The following VPS53 variants were observed in gnomAD, a reference collection of about 807,000 sequenced individuals.
VPS53 encodes the protein vacuolar protein sorting-associated protein 53 homolog.
A neutral mutation model predicts 107.0 loss-of-function variants in VPS53; 70 were observed. That is an observed-to-expected ratio of 0.65 (90% CI 0.54 to 0.80). The LOEUF (loss-of-function observed/expected upper bound fraction) is 0.80. Ranked by LOEUF, VPS53 falls within the 30% of genes least tolerant of loss-of-function variation. VPS53 has a pLI of 0.00. For missense variants in VPS53, 917 were observed against 1,049.4 expected (o/e 0.87, Z 1.74); for synonymous variants, 409 against 393.3 (o/e 1.04, Z -0.47).
chr17:597,749 T>C (rs1170550738), intron 12 of VPS53, among the ~76,000 whole-genome samples: 1 of 152,012 alleles, frequency 6.6e-6, no homozygotes, highest in Admixed American at 6.5e-5. Flanking sequence ...TTGTTTAGTA[T>C]GGTTTCAACA....
intron 7 of VPS53, among the ~76,000 whole-genome samples, chr17:643,306 G>T (rs76618868): frequency 0.019 from 590 of 30,476 alleles, 6 homozygotes; most frequent in Admixed American, 0.042. Context: ...CACTCATACT[G>T]GGAAACCGAG....
At chr17:597,949 G>GCTCTCC (rs751587106) in intron 12 of VPS53, among the ~76,000 whole-genome samples, 2,289 of 91,216 alleles carry the variant, frequency 0.025, 25 homozygotes, top group Middle Eastern at 0.052. Context: ...ATGACTTGCA[G>GCTCTCC]CTCTCCCTCT....
intron 17 of VPS53, among the ~76,000 whole-genome samples, chr17:544,012 AGTG>A (rs1910965076): frequency 2.0e-5 from 1 of 49,774 alleles, no homozygotes; most frequent in East Asian, 1.4e-3. Context: ...GGAGGGAGGG[AGTG>A]AGGAAGGCAG....
In VPS53 at chr17:683,409, C is replaced by T. The variant is rs1972473237; in HGVS notation, c.285+14009G>A. Among the ~76,000 whole-genome samples the T allele has an allele frequency of 2.0e-5, 3 of 152,062 alleles. No homozygotes were observed. In the South Asian group the frequency reaches 6.2e-4, roughly 32 times the overall value. ...ACAACAAAACTGCCAACCTAGAGTC[C>T]TAAACCAAGCAAAAATATTTTTAAA... On this transcript the variant is annotated intron_variant, in intron 4 of 21. Coordinates refer to ENST00000437048, the MANE Select transcript of VPS53 (RefSeq NM_001128159.3).
chr17:651,310 T>G (rs1181293806), intron 7 of VPS53, among the ~76,000 whole-genome samples: 1 of 152,250 alleles, frequency 6.6e-6, no homozygotes, highest in Non-Finnish European at 1.5e-5. Context: ...GTATACATAT[T>G]TGACCTTTTT....
rs111346613 is a variant in VPS53, at chr17:646,349, G to A, written c.608+6942C>T. 6.0e-4 allele frequency among the ~76,000 whole-genome samples: 69 copies of A among 114,750 alleles called. 8 individuals are homozygous for A. The highest frequency in any genetic ancestry group is 1.9e-3 in the African/African-American group (63 of 33,026). The allele number at this position is 114,750 out of a possible 152,430, so 75.3% of individuals were successfully genotyped here. The stretch of plus-strand genomic sequence containing the variant: ...TCTTATTTTTTCTAATCCATACTAC[G>A]GACTGGAGATCGGCTCCCACACACA... On this transcript the variant is annotated intron_variant, in intron 7 of 21. Transcript: ENST00000437048.
At chr17:673,133 A>C (rs1176251686) in intron 4 of VPS53, among the ~76,000 whole-genome samples, 3 of 150,938 alleles carry the variant, frequency 2.0e-5, no homozygotes, top group African/African-American at 7.3e-5. Context: ...AAAAACAAAA[A>C]CAAAAAAAAA....
intron 13 of VPS53, among the ~76,000 whole-genome samples, chr17:581,490 C>T (rs1967015041): frequency 1.3e-5 from 2 of 151,712 alleles, no homozygotes. Context: ...AATGCGTTCC[C>T]AAAGAAGCTC....
At chr17:705,347 G>A (rs188700938) in intron 2 of VPS53, among the ~76,000 whole-genome samples, 219 of 152,118 alleles carry the variant, frequency 1.4e-3, no homozygotes, top group African/African-American at 4.0e-3. Flanking sequence ...CCAGCACTCG[G>A]AGAGGCTGAG....
chr17:551,551 A>ATCTCG, intron 17 of VPS53: 1 of 159,306 alleles, frequency 6.3e-6, no homozygotes. Flanking sequence ...TGAGTGACAG[A>ATCTCG]GAGAGACCCT....
chr17:577,316 C>CCCACAGAACCTCAATGAGTTA (rs1914708264), intron 13 of VPS53, among the ~76,000 whole-genome samples: 1 of 151,172 alleles, frequency 6.6e-6, no homozygotes, highest in Non-Finnish European at 1.5e-5. Flanking sequence ...TAGAGAATCT[C>CCCACAGAACCTCAATGAGTTA]CCACAGAACC....
intron 6 of VPS53, among the ~76,000 whole-genome samples, chr17:654,205 A>C (rs1356638455): frequency 6.6e-6 from 1 of 152,052 alleles, no homozygotes; most frequent in African/African-American, 2.4e-5. Context: ...AAAAACAAAA[A>C]CAAAAATACA....
intron 17 of VPS53, among the ~76,000 whole-genome samples, chr17:542,835 G>A (rs1001674891): frequency 4.6e-5 from 7 of 152,020 alleles, no homozygotes; most frequent in African/African-American, 1.4e-4. Flanking sequence ...AAAATTAGCC[G>A]GGTGTGGTGG....
chr17:574,660 G>A (rs767556452), intron 13 of VPS53, among the ~76,000 whole-genome samples: 6 of 152,244 alleles, frequency 3.9e-5, no homozygotes, highest in East Asian at 1.9e-4. Flanking sequence ...AGCTACTTGA[G>A]AGGCTGAGTA....
At chr17:565,144 G>C (rs2151856404) in intron 13 of VPS53, among the ~76,000 whole-genome samples, 1 of 152,272 alleles carries the variant, frequency 6.6e-6, no homozygotes, top group Non-Finnish European at 1.5e-5. Context: ...GCTCACACCT[G>C]TAATCCCAGC....
intron 7 of VPS53, among the ~76,000 whole-genome samples, chr17:640,861 GT>G (rs903487149): frequency 5.4e-5 from 8 of 148,726 alleles, no homozygotes; most frequent in South Asian, 2.2e-4. Flanking sequence ...TTTTTTCTTT[GT>G]TTTTTTTTTG....
At chr17:660,668 G>A (rs1462799651) in intron 5 of VPS53, among the ~76,000 whole-genome samples, 5 of 86,892 alleles carry the variant, frequency 5.8e-5, no homozygotes, top group South Asian at 3.1e-4. Context: ...GTGCTGCTGG[G>A]TGTGGTGCAT....
At chr17:688,400 C>A (rs527470532) in intron 4 of VPS53, among the ~76,000 whole-genome samples, 2 of 152,176 alleles carry the variant, frequency 1.3e-5, no homozygotes, top group East Asian at 1.9e-4. Context: ...CCCAGCCCTG[C>A]AGAAATGTGA....
At chr17:586,243 A>T (rs762630427) in intron 13 of VPS53, 27 bp downstream of exon 13, 2 of 1,607,308 alleles carry the variant, frequency 1.2e-6, no homozygotes, top group Non-Finnish European at 1.7e-6. Flanking sequence ...AAATGCAGGC[A>T]GAAAACAGCG....
Sources: gnomAD v4.1 joint callset for allele counts (sites outside exome capture counted in the v4.1 genomes callset) on GRCh38, gnomAD v4.1.1 for gene constraint, MANE v1.5 for transcripts, NCBI Gene and HGNC (gene_info 2026-07-23, HGNC 2026-07-21) for gene names.